Variants in HSD17B4 observed in about 807,000 individuals in gnomAD.
HSD17B4 encodes peroxisomal multifunctional enzyme type 2.
Under a neutral mutation model 101.0 loss-of-function variants are expected in HSD17B4, and 70 were observed. The observed-to-expected ratio is 0.69, with a 90% confidence interval of 0.57 to 0.85. The LOEUF (loss-of-function observed/expected upper bound fraction) is 0.85, where lower values mean the gene tolerates loss of function less well. Ranked by LOEUF, HSD17B4 falls within the 40% of genes least tolerant of loss-of-function variation. The probability of loss-of-function intolerance (pLI) is 0.00; values close to 1 mark genes in which losing one functional copy is unlikely to be tolerated. For missense variants in HSD17B4, 984 were observed against 892.4 expected, an observed-to-expected ratio of 1.10 and a Z score of -1.31; for synonymous variants, 347 against 297.1, an observed-to-expected ratio of 1.17 and a Z score of -1.73.
At chr5:119,475,408 C>G (rs1748486199) in intron 4 of HSD17B4, among the ~76,000 whole-genome samples, 1 of 151,900 alleles carries the variant, frequency 6.6e-6, no homozygotes, top group Non-Finnish European at 1.5e-5. Context: ...TCCTTAGAAC[C>G]TAAGAGTTGT....
chr5:119,493,963 T>G lies in HSD17B4; in HGVS notation c.868+17T>G. On this transcript the variant is annotated intron_variant, in intron 11 of 23. Coordinates refer to ENST00000510025, the MANE Select transcript of HSD17B4 (RefSeq NM_000414.4). The stretch of plus-strand genomic sequence containing the variant: ...GTATCCAAGGTAAAGAGAGTCCCCG[T>G]CACTTAGCCCTGGTTGGGGAATCAG... The G allele has an allele frequency of 6.2e-7, 1 of 1,612,580 alleles. No homozygotes were observed. Among genetic ancestry groups the G allele is most frequent in the Non-Finnish European group, 8.5e-7 (1 of 1,178,996 alleles).
chr5:119,509,126 T>C lies in HSD17B4; in HGVS notation c.1334-15T>C. ...GTGGTAACTTCTTTTATTTTTTCTT[T>C]TATTTACTTTTCAGTCTATTCTTAT... On this transcript the variant is annotated splice_polypyrimidine_tract_variant and intron_variant, in intron 15 of 23. Coordinates refer to ENST00000510025, the MANE Select transcript of HSD17B4 (RefSeq NM_000414.4). The C allele has an allele frequency of 7.4e-7, 1 of 1,354,262 alleles. No individual in the cohort carries two copies. The highest frequency in any genetic ancestry group is 1.1e-6 in the Non-Finnish European group (1 of 944,084). The allele number at this position is 1,354,262 out of a possible 1,614,324, so 83.9% of individuals were successfully genotyped here. A position where few individuals can be genotyped will look rare whatever the true frequency, so the allele number is the denominator to read the frequency against.
Position 119,525,265 on chromosome 5 carries a change from C to A in HSD17B4, c.1553C>A (p.Pro518His). The A allele has an allele frequency of 6.2e-7, 1 of 1,610,774 alleles. No homozygotes were observed. Among genetic ancestry groups the A allele is most frequent in the Non-Finnish European group, 8.5e-7 (1 of 1,177,290 alleles). Residue 518 changes from proline to histidine, a missense_variant, in exon 18 of 24, where the codon CCT becomes CAT. Physicochemically the swap from Pro to His is moderately conservative, Grantham distance 77. Transcript: ENST00000510025. Reference sequence around the variant, plus strand: ...GACTGGAATCCCTTACACATTGATCCTAACTTTGCTAGTCTAGCAGGTGAG... The same window carrying A: ...GACTGGAATCCCTTACACATTGATCATAACTTTGCTAGTCTAGCAGGTGAG... ...SGDWNPLHIDPNFASLAGFDK... is the reference protein window; with the variant it reads ...SGDWNPLHIDHNFASLAGFDK...
chr5:119,531,517 T>C, intron 22 of HSD17B4, 113 bp downstream of exon 22: 1 of 1,023,624 alleles, frequency 9.8e-7, no homozygotes, highest in Non-Finnish European at 1.5e-6. Flanking sequence ...TTTAGGTAAG[T>C]TTTTTTTCTT....
intron 16 of HSD17B4, among the ~76,000 whole-genome samples, chr5:119,512,590 C>T (rs1338436076): frequency 6.6e-6 from 1 of 151,462 alleles, no homozygotes; most frequent in Non-Finnish European, 1.5e-5. Flanking sequence ...ACAAGGTCAA[C>T]TAAGAATTTT....
chr5:119,506,777 T>C, intron 14 of HSD17B4, 41 bp from the exon 15 acceptor site: 1 of 1,092,814 alleles, frequency 9.2e-7, no homozygotes, highest in Non-Finnish European at 1.4e-6. Flanking sequence ...TAGTAATCTT[T>C]GGTTTTTAAG....
chr5:119,506,769 G>GTAA (rs769229594), intron 14 of HSD17B4, 49 bp from the exon 15 acceptor site: 1 of 1,003,954 alleles, frequency 1.0e-6, no homozygotes, highest in Non-Finnish European at 1.6e-6. Context: ...TCTTATTATA[G>GTAA]TAATCTTTGG....
chr5:119,536,872 G>GAAT (rs1754586391), intron 23 of HSD17B4, among the ~76,000 whole-genome samples: 1 of 152,158 alleles, frequency 6.6e-6, no homozygotes, highest in South Asian at 2.1e-4. Flanking sequence ...AGAAATCATT[G>GAAT]AATATTGGAA....
chr5:119,474,275 A>G (rs577682900), intron 3 of HSD17B4, 126 bp from the exon 4 acceptor site: 1 of 762,372 alleles, frequency 1.3e-6, no homozygotes, highest in South Asian at 1.4e-5. Flanking sequence ...ATTATTGTAG[A>G]TATGGATATG....
rs143131416 is a variant in HSD17B4 at position 119,491,349 on chromosome 5, T to G, written c.715-751T>G. Among the ~76,000 whole-genome samples the G allele has an allele frequency of 9.1e-4, 139 of 152,296 alleles. 1 individual carries two copies. The highest frequency in any genetic ancestry group is 3.4e-3 in the Middle Eastern group (1 of 294). The stretch of plus-strand genomic sequence containing the variant: ...AACTTAGAGCCACTAAGATGTCTGC[T>G]GATACATTTCTTCTATCATATGCAT... On this transcript the variant is annotated intron_variant, in intron 9 of 23. Coordinates refer to ENST00000510025, the MANE Select transcript of HSD17B4 (RefSeq NM_000414.4).
chr5:119,503,829 A>T (rs559116628), intron 14 of HSD17B4, among the ~76,000 whole-genome samples: 3 of 151,860 alleles, frequency 2.0e-5, no homozygotes, highest in African/African-American at 7.2e-5. Context: ...ACCTGTGCAG[A>T]TTTATTACGT....
intron 2 of HSD17B4, among the ~76,000 whole-genome samples, chr5:119,467,582 CTA>C (rs1400184317): frequency 6.6e-6 from 1 of 152,042 alleles, no homozygotes; most frequent in African/African-American, 2.4e-5. Flanking sequence ...GACTTAAAGT[CTA>C]TTATATCTGA....
chr5:119,527,621 C>T (rs937452170), intron 20 of HSD17B4, among the ~76,000 whole-genome samples: 1 of 151,814 alleles, frequency 6.6e-6, no homozygotes, highest in Non-Finnish European at 1.5e-5. Flanking sequence ...ATCTATCTGA[C>T]TCATTAATGA....
At chr5:119,473,859 T>G (rs1370498400) in intron 2 of HSD17B4, 49 bp from the exon 3 acceptor site, 1 of 1,094,878 alleles carries the variant, frequency 9.1e-7, no homozygotes, top group Non-Finnish European at 1.4e-6. Flanking sequence ...CACACACATT[T>G]TGAAAGTCTA....
At chr5:119,474,104 T>G in intron 3 of HSD17B4, 89 bp downstream of exon 3, 1 of 803,220 alleles carries the variant, frequency 1.2e-6, no homozygotes, top group Non-Finnish European at 2.1e-6. Flanking sequence ...TATCTCAGTA[T>G]TCCAGTATAA....
intron 1 of HSD17B4, among the ~76,000 whole-genome samples, chr5:119,453,768 C>T (rs1754319817): frequency 6.6e-6 from 1 of 152,200 alleles, no homozygotes; most frequent in Non-Finnish European, 1.5e-5. Context: ...GTTATCTCTG[C>T]ATGGGCATGT....
At chr5:119,489,327 G>T in intron 9 of HSD17B4, 44 bp downstream of exon 9, 1 of 1,224,642 alleles carries the variant, frequency 8.2e-7, no homozygotes, top group East Asian at 2.3e-5. Context: ...TTCTCCAGTT[G>T]CTTACATTTG....
intron 16 of HSD17B4, among the ~76,000 whole-genome samples, chr5:119,514,780 G>T (rs1752468103): frequency 6.6e-6 from 1 of 152,018 alleles, no homozygotes. Context: ...GGTCATTTCA[G>T]GCAAATCATA....
At chr5:119,525,727 T>TTTTTTTTTTTTTTTTTTA in intron 18 of HSD17B4, 190 bp from the exon 19 acceptor site, 1 of 568,790 alleles carries the variant, frequency 1.8e-6, no homozygotes. Flanking sequence ...TTTTTTTTTC[T>TTTTTTTTTTTTTTTTTTA]TTCTTTCTTT....
Sources: gnomAD v4.1 joint callset for allele counts (sites outside exome capture counted in the v4.1 genomes callset) on GRCh38, gnomAD v4.1.1 for gene constraint, MANE v1.5 for transcripts, NCBI Gene and HGNC (gene_info 2026-07-23, HGNC 2026-07-21) for gene names.